Variants in UMAD1 observed in about 807,000 individuals in gnomAD.
The protein encoded by UMAD1 is UBAP1-MVB12-associated (UMA)-domain containing protein 1.
Under a neutral mutation model 6.1 loss-of-function variants are expected in UMAD1, and 8 were observed. The observed-to-expected ratio is 1.30, with a 90% CI of 0.76 to 2.35. The LOEUF (loss-of-function observed/expected upper bound fraction) is 2.35, where lower values mean the gene tolerates loss of function less well. Among genes scored for constraint, UMAD1 ranks in the 30% most tolerant of loss-of-function variants. The pLI, the probability that UMAD1 is intolerant of heterozygous loss-of-function variation, is 0.00. For synonymous variants in UMAD1, 56 were observed against 31.4 expected (o/e 1.78, Z -2.61); for missense variants, 130 against 78.4 (o/e 1.66, Z -2.49).
At position 7,861,196 on chromosome 7, in the gene UMAD1, C is replaced by T. The variant is rs149597005; in HGVS notation, c.157-16085C>T. ...ATGGTTGCACAACACTGTGAATTTA[C>T]TTAGGCCACTGAATTGTACACTTAA... On this transcript the variant is annotated intron_variant, in intron 3 of 3. Coordinates refer to ENST00000682710, the MANE Select transcript of UMAD1 (RefSeq NM_001302348.2). Among the ~76,000 whole-genome samples, 33 of 152,228 alleles carry T rather than the reference C, an allele frequency of 2.2e-4. 1 individual carries two copies. In the East Asian group the frequency reaches 6.2e-3, roughly 28 times the overall value.
At position 7,864,112 on chromosome 7, in the gene UMAD1, C is replaced by T. The variant is rs1307928199; in HGVS notation, c.157-13169C>T. Among the ~76,000 whole-genome samples the T allele has an allele frequency of 2.0e-5, 3 of 152,286 alleles. No individual in the cohort carries two copies. In the East Asian group the frequency reaches 5.8e-4, roughly 29 times the overall value. On this transcript the variant is annotated intron_variant, in intron 3 of 3. Coordinates refer to ENST00000682710, the MANE Select transcript of UMAD1 (RefSeq NM_001302348.2). ...CCTTTCAACCATGCCCGATTTTATGCAGTAAACCCTCTATTGACATCCTCG... is the reference window on the plus strand; with the variant it reads ...CCTTTCAACCATGCCCGATTTTATGTAGTAAACCCTCTATTGACATCCTCG...
chr7:7,688,978 T>C (rs1271483462), intron 2 of UMAD1, among the ~76,000 whole-genome samples: 4 of 152,216 alleles, frequency 2.6e-5, no homozygotes, highest in Non-Finnish European at 5.9e-5. Context: ...TATTTAGTTA[T>C]ATAAATGCAA....
At chr7:7,719,402 CT>C (rs780022383) in intron 2 of UMAD1, among the ~76,000 whole-genome samples, 3 of 152,194 alleles carry the variant, frequency 2.0e-5, no homozygotes, top group Admixed American at 2.0e-4. Flanking sequence ...AAAATGGTGA[CT>C]AATCTCTCTG....
At chr7:7,836,709 AAC>A (rs1010911520) in intron 3 of UMAD1, among the ~76,000 whole-genome samples, 7 of 152,026 alleles carry the variant, frequency 4.6e-5, no homozygotes. Flanking sequence ...AGAAATTAAA[AAC>A]AGTTATTCAA....
chr7:7,763,495 A>G (rs2115234361), intron 2 of UMAD1, among the ~76,000 whole-genome samples: 1 of 152,362 alleles, frequency 6.6e-6, no homozygotes, highest in South Asian at 2.1e-4. Context: ...GCTCTCATTT[A>G]TAAATGAGAA....
intron 3 of UMAD1, among the ~76,000 whole-genome samples, chr7:7,849,486 A>G (rs1783873809): frequency 6.6e-6 from 1 of 152,128 alleles, no homozygotes; most frequent in Non-Finnish European, 1.5e-5. Context: ...CAAGAGCAAG[A>G]CAGGTACTGT....
chr7:7,714,084 T>G (rs1325817289), intron 2 of UMAD1, among the ~76,000 whole-genome samples: 1 of 152,262 alleles, frequency 6.6e-6, no homozygotes, highest in Non-Finnish European at 1.5e-5. Context: ...TTTTGTGTGT[T>G]ATCTTTTTGA....
At chr7:7,716,669 G>T (rs531856673) in intron 2 of UMAD1, among the ~76,000 whole-genome samples, 2 of 152,250 alleles carry the variant, frequency 1.3e-5, no homozygotes, top group Non-Finnish European at 2.9e-5. Context: ...CGGCGCGGCC[G>T]GCGCGGTGGC....
At chr7:7,687,182 A>C (rs1383998050) in intron 2 of UMAD1, 1 of 152,184 alleles carries the variant, frequency 6.6e-6, no homozygotes. Context: ...GATTCTATTT[A>C]AGTTCTGTCA....
At chr7:7,749,535 T>A (rs1781638074) in intron 2 of UMAD1, among the ~76,000 whole-genome samples, 1 of 152,198 alleles carries the variant, frequency 6.6e-6, no homozygotes, top group Non-Finnish European at 1.5e-5. Flanking sequence ...TTCCAGTACT[T>A]AATTTTATAG....
chr7:7,761,213 A>C (rs1375484316), intron 2 of UMAD1, among the ~76,000 whole-genome samples: 1 of 152,052 alleles, frequency 6.6e-6, no homozygotes, highest in Non-Finnish European at 1.5e-5. Context: ...AAATATACAA[A>C]AAATTAGCCA....
At chr7:7,846,344 C>T (rs1583868513) in intron 3 of UMAD1, among the ~76,000 whole-genome samples, 1 of 152,152 alleles carries the variant, frequency 6.6e-6, no homozygotes, top group African/African-American at 2.4e-5. Context: ...TAGAAATCCT[C>T]TACCACTGAA....
chr7:7,868,148 CG>C (rs1282862028), intron 3 of UMAD1, among the ~76,000 whole-genome samples: 1 of 151,984 alleles, frequency 6.6e-6, no homozygotes, highest in East Asian at 1.9e-4. Context: ...GGACAGCTTA[CG>C]GTTGGAGTTT....
intron 1 of UMAD1, among the ~76,000 whole-genome samples, chr7:7,659,008 T>C (rs2115086944): frequency 6.6e-6 from 1 of 152,318 alleles, no homozygotes; most frequent in Non-Finnish European, 1.5e-5. Flanking sequence ...ATTCAGGGAT[T>C]CGACTTCTTC....
chr7:7,863,771 G>A (rs570041899), intron 3 of UMAD1, among the ~76,000 whole-genome samples: 1 of 152,250 alleles, frequency 6.6e-6, no homozygotes, highest in Non-Finnish European at 1.5e-5. Context: ...AGCTAAGATG[G>A]ACTTGTGCAC....
intron 2 of UMAD1, among the ~76,000 whole-genome samples, chr7:7,743,684 G>A (rs1375125535): frequency 9.6e-6 from 1 of 104,320 alleles, no homozygotes; most frequent in Non-Finnish European, 2.0e-5. Context: ...ATACATATAT[G>A]TGTATATGTA....
chr7:7,697,377 C>T (rs1014713343), intron 2 of UMAD1, among the ~76,000 whole-genome samples: 6 of 152,188 alleles, frequency 3.9e-5, no homozygotes, highest in Admixed American at 6.5e-5. Flanking sequence ...TCTTCTAAAA[C>T]ACCTATGAAA....
chr7:7,811,673 A>T (rs1372522287), intron 3 of UMAD1, among the ~76,000 whole-genome samples: 2 of 152,190 alleles, frequency 1.3e-5, no homozygotes, highest in African/African-American at 4.8e-5. Flanking sequence ...CTTTAAAATA[A>T]TGCTTTGATA....
chr7:7,809,273 T>C (rs1782980027), intron 3 of UMAD1, among the ~76,000 whole-genome samples: 1 of 151,982 alleles, frequency 6.6e-6, no homozygotes, highest in Non-Finnish European at 1.5e-5. Flanking sequence ...CTTTGGAATA[T>C]TGTACAATTG....
Sources: gnomAD v4.1 joint callset for allele counts (sites outside exome capture counted in the v4.1 genomes callset) on GRCh38, gnomAD v4.1.1 for gene constraint, MANE v1.5 for transcripts, NCBI Gene and HGNC (gene_info 2026-07-23, HGNC 2026-07-21) for gene names.